CD247: variants seen among roughly 807,000 people sequenced by gnomAD.
The protein encoded by CD247 is T-cell surface glycoprotein CD3 zeta chain.
In CD247, 13 loss-of-function variants were observed where a neutral mutation model predicts 30.0. That is an observed-to-expected ratio of 0.43 (90% CI 0.28 to 0.69). The LOEUF (loss-of-function observed/expected upper bound fraction) is 0.69. Ranked by LOEUF, CD247 falls within the 30% of genes least tolerant of loss-of-function variation. The pLI is 0.16. For missense variants in CD247, 193 were observed against 212.6 expected (o/e 0.91, Z 0.57); for synonymous variants, 72 against 80.0 (o/e 0.90, Z 0.53).
chr1:167,444,614 T>C (rs1651985365), intron 1 of CD247, among the ~76,000 whole-genome samples: 1 of 152,122 alleles, frequency 6.6e-6, no homozygotes, highest in Admixed American at 6.5e-5. Context: ...CTGACTTAAG[T>C]GGCCTGGAGT....
chr1:167,512,589 G>A (rs1655433943), intron 1 of CD247, among the ~76,000 whole-genome samples: 2 of 152,144 alleles, frequency 1.3e-5, no homozygotes, highest in Non-Finnish European at 2.9e-5. Flanking sequence ...GACAGAGGAA[G>A]AAAAAAAGCA....
At chr1:167,489,824 A>G (rs1400077604) in intron 1 of CD247, among the ~76,000 whole-genome samples, 3 of 152,182 alleles carry the variant, frequency 2.0e-5, no homozygotes, top group Admixed American at 2.0e-4. Context: ...TTTCCCTGAA[A>G]TGAAAGAACT....
chr1:167,495,748 C>G (rs1297258068), intron 1 of CD247, among the ~76,000 whole-genome samples: 1 of 152,140 alleles, frequency 6.6e-6, no homozygotes, highest in Non-Finnish European at 1.5e-5. Flanking sequence ...TTTGCAGTTC[C>G]AGGAACATGC....
intron 1 of CD247, among the ~76,000 whole-genome samples, chr1:167,450,756 T>C (rs1652314613): frequency 1.3e-5 from 2 of 150,868 alleles, no homozygotes; most frequent in African/African-American, 4.9e-5. Flanking sequence ...CTACTAAAAA[T>C]ACAAAAATTA....
chr1:167,455,250 C>T (rs905686117), intron 1 of CD247, among the ~76,000 whole-genome samples: 3 of 152,242 alleles, frequency 2.0e-5, no homozygotes, highest in Admixed American at 1.3e-4. Context: ...TGCTAAGCCG[C>T]GCTCACGCCG....
At chr1:167,476,130 C>T (rs1312044310) in intron 1 of CD247, among the ~76,000 whole-genome samples, 1 of 152,146 alleles carries the variant, frequency 6.6e-6, no homozygotes. Context: ...GTCCTGGGGT[C>T]CCCCTTCAGA....
chr1:167,468,629 G>A (rs766833067), intron 1 of CD247, among the ~76,000 whole-genome samples: 15 of 152,172 alleles, frequency 9.9e-5, no homozygotes, highest in Non-Finnish European at 2.1e-4. Context: ...GAGAGCTCAG[G>A]TCACCTGGCT....
chr1:167,516,543 G>GA (rs1453060321), intron 1 of CD247, among the ~76,000 whole-genome samples: 1 of 152,194 alleles, frequency 6.6e-6, no homozygotes, highest in African/African-American at 2.4e-5. Context: ...TTCCTCCGGG[G>GA]AGACTGTGGA....
intron 1 of CD247, among the ~76,000 whole-genome samples, chr1:167,469,782 G>T (rs1434996048): frequency 6.6e-6 from 1 of 152,276 alleles, no homozygotes. Flanking sequence ...CTGGGGCACA[G>T]CCTCCTTGGA....
At chr1:167,493,029 T>C (rs1231106169) in intron 1 of CD247, among the ~76,000 whole-genome samples, 1 of 141,590 alleles carries the variant, frequency 7.1e-6, no homozygotes, top group Non-Finnish European at 1.5e-5. Flanking sequence ...TTTTCCCTAA[T>C]TTTTCTCCTT....
chr1:167,473,092 T>TACACACACACACACAC (rs35004482), intron 1 of CD247, among the ~76,000 whole-genome samples: 61 of 146,632 alleles, frequency 4.2e-4, no homozygotes, highest in African/African-American at 1.2e-3. Flanking sequence ...CTTCAAGTTT[T>TACACACACACACACAC]ACACACACAC....
chr1:167,505,826 C>T (rs909777575), intron 1 of CD247, among the ~76,000 whole-genome samples: 1 of 152,224 alleles, frequency 6.6e-6, no homozygotes, highest in Non-Finnish European at 1.5e-5. Context: ...CCTTCATGGA[C>T]AGGATGAGCT....
In CD247 at chr1:167,498,062, T is replaced by C. The variant is rs138500178; in HGVS notation, c.58+20346A>G. On this transcript the variant is annotated intron_variant, in intron 1 of 7. Transcript: ENST00000362089. ...GATGGGTGATGGTGCCATAGCTTGA[T>C]CTTGGGGACCCTGGGATGTGGCATC... 5.8e-3 allele frequency among the ~76,000 whole-genome samples: 890 copies of C among 152,296 alleles called. 4 individuals carry two copies. The highest frequency in any genetic ancestry group is 6.7e-3 in the Non-Finnish European group (455 of 68,026).
At position 167,494,059 on chromosome 1, in the gene CD247, G is replaced by A. The variant is rs1187034425; in HGVS notation, c.58+24349C>T. Among the ~76,000 whole-genome samples, 1 of 152,088 alleles carries A rather than the reference G, an allele frequency of 6.6e-6. No individual in the cohort carries two copies. The highest frequency in any genetic ancestry group is 1.5e-5 in the Non-Finnish European group (1 of 68,014). On this transcript the variant is annotated intron_variant, in intron 1 of 7. Transcript: ENST00000362089. The surrounding 1 kb of genome is among the most constrained non-coding windows in gnomAD (Gnocchi z 7.3). The stretch of plus-strand genomic sequence containing the variant: ...AGTTGGGTGGGGGAGGCTGGAGGCT[G>A]CAAAATGATGACAGAGCTTGGGGCT...
chr1:167,438,507 C>G lies in CD247; in HGVS notation c.300+63G>C, dbSNP rs1468246526. 8 of 1,339,044 alleles carry G rather than the reference C, an allele frequency of 6.0e-6. No homozygotes were observed. The East Asian group carries it at 1.1e-4, about 19-fold the overall frequency. The allele number at this position is 1,339,044 out of a possible 1,614,324, so 82.9% of individuals were successfully genotyped here. On this transcript the variant is annotated intron_variant, in intron 4 of 7. Transcript: ENST00000362089. The stretch of plus-strand genomic sequence containing the variant: ...CAGAGTGAGCTGAGGAGCCCTCCCC[C>G]ACAGCCTGGGCTGAGCCCCACCACA...
At chr1:167,470,769 C>G (rs1653481988) in intron 1 of CD247, among the ~76,000 whole-genome samples, 1 of 151,526 alleles carries the variant, frequency 6.6e-6, no homozygotes, top group East Asian at 1.9e-4. Flanking sequence ...CAGCTATGCC[C>G]TTATTGTTAG....
At chr1:167,518,368 A>C (rs777877982) in intron 1 of CD247, 40 bp downstream of exon 1, 15 of 1,602,508 alleles carry the variant, frequency 9.4e-6, no homozygotes, top group Non-Finnish European at 1.3e-5. Flanking sequence ...ATACACAAAG[A>C]GTTTCTAGAA....
chr1:167,517,681 T>A (rs1158661677), intron 1 of CD247, among the ~76,000 whole-genome samples: 1 of 152,180 alleles, frequency 6.6e-6, no homozygotes, highest in African/African-American at 2.4e-5. Context: ...CTGGCTGGGC[T>A]AGATGGCCGC....
At chr1:167,473,216 G>A (rs1408159036) in intron 1 of CD247, among the ~76,000 whole-genome samples, 2 of 152,096 alleles carry the variant, frequency 1.3e-5, no homozygotes, top group Non-Finnish European at 2.9e-5. Flanking sequence ...CACCCTCTGG[G>A]TGGTTCTCTG....
Sources: allele counts gnomAD v4.1 joint callset (sites outside exome capture counted in the v4.1 genomes callset), GRCh38; gene constraint gnomAD v4.1.1; non-coding constraint Gnocchi (gnomAD v3.1); transcripts MANE v1.5; gene names NCBI Gene and HGNC (gene_info 2026-07-23, HGNC 2026-07-21).